CACNA2D3: variants seen among roughly 807,000 people sequenced by gnomAD.
The protein encoded by CACNA2D3 is voltage-dependent calcium channel subunit alpha-2/delta-3.
In CACNA2D3, 60 loss-of-function variants were observed where a neutral mutation model predicts 160.6. The ratio of observed to expected loss-of-function variants is 0.37; its 90% CI spans 0.30 to 0.46. The LOEUF (loss-of-function observed/expected upper bound fraction) is 0.46. CACNA2D3 is among the 20% of genes least tolerant of loss of function. The probability of loss-of-function intolerance (pLI) is 1.00; values close to 1 mark genes in which losing one functional copy is unlikely to be tolerated. For synonymous variants in CACNA2D3, 558 were observed against 492.9 expected, an observed-to-expected ratio of 1.13 and a Z score of -1.75; for missense variants, 1,205 against 1,365.0, an observed-to-expected ratio of 0.88 and a Z score of 1.85.
chr3:54,819,850 C>A (rs1250832058), intron 14 of CACNA2D3, among the ~76,000 whole-genome samples: 5 of 151,578 alleles, frequency 3.3e-5, no homozygotes, highest in East Asian at 1.9e-4. Context: ...CCTCAAAAAA[C>A]ACACACACAC....
intron 35 of CACNA2D3, among the ~76,000 whole-genome samples, chr3:55,020,975 G>A (rs1287358166): frequency 6.6e-6 from 1 of 151,942 alleles, no homozygotes; most frequent in Non-Finnish European, 1.5e-5. Flanking sequence ...ACTGTCATTT[G>A]GCTTTCCTAT....
chr3:54,283,674 C>T lies in CACNA2D3; in HGVS notation c.205-36768C>T, dbSNP rs116822200. 3.5e-3 allele frequency among the ~76,000 whole-genome samples: 533 copies of T among 152,304 alleles called. 4 individuals carry two copies. Among genetic ancestry groups the T allele is most frequent in the Middle Eastern group, 0.014 (4 of 294 alleles). ...TGTAATTGCACAAGTTGGGATACATCACTGGTGAATCACATTCCCTTTGTC... is the reference window on the plus strand; with the variant it reads ...TGTAATTGCACAAGTTGGGATACATTACTGGTGAATCACATTCCCTTTGTC... On this transcript the variant is annotated intron_variant, in intron 2 of 37. Transcript: ENST00000474759.
At chr3:54,995,101 G>A (rs1702826432) in intron 31 of CACNA2D3, among the ~76,000 whole-genome samples, 1 of 152,010 alleles carries the variant, frequency 6.6e-6, no homozygotes, top group African/African-American at 2.4e-5. Context: ...TACCTCCTGA[G>A]TAGCTGGGAT....
At chr3:54,913,585 T>C (rs1214874574) in intron 27 of CACNA2D3, among the ~76,000 whole-genome samples, 1 of 152,222 alleles carries the variant, frequency 6.6e-6, no homozygotes, top group Non-Finnish European at 1.5e-5. Context: ...CCATTTTGCC[T>C]TGGCTCCTTC....
chr3:54,752,317 G>A (rs1210635649), intron 11 of CACNA2D3, among the ~76,000 whole-genome samples: 3 of 152,302 alleles, frequency 2.0e-5, no homozygotes, highest in South Asian at 2.1e-4. Context: ...GCAAGCCCAG[G>A]CCTGTGAGGC....
chr3:54,459,450 T>TA (rs1374937647), intron 4 of CACNA2D3, among the ~76,000 whole-genome samples: 1 of 150,028 alleles, frequency 6.7e-6, no homozygotes, highest in Non-Finnish European at 1.5e-5. Context: ...CCTGACTTTT[T>TA]AATGATCGCC....
chr3:55,066,536 G>C (rs1704639833), intron 35 of CACNA2D3, among the ~76,000 whole-genome samples: 1 of 152,092 alleles, frequency 6.6e-6, no homozygotes, highest in African/African-American at 2.4e-5. Flanking sequence ...GTATGAGGGA[G>C]GCATGGTGAT....
intron 2 of CACNA2D3, among the ~76,000 whole-genome samples, chr3:54,232,721 C>CAGCTGT (rs1342373800): frequency 2.6e-5 from 4 of 152,300 alleles, no homozygotes; most frequent in African/African-American, 7.2e-5. Context: ...TCTTGAACTG[C>CAGCTGT]AGCTGTAGAT....
rs1702358375 is a variant in CACNA2D3 at position 54,773,510 on chromosome 3, A to G, written c.1380+9159A>G. ...GATTATGTTGGGACCTCTATTTCATAGCAGATGGGTTCATTAAATTTAATA... is the reference window on the plus strand; with the variant it reads ...GATTATGTTGGGACCTCTATTTCATGGCAGATGGGTTCATTAAATTTAATA... On this transcript the variant is annotated intron_variant, in intron 13 of 37. Coordinates refer to ENST00000474759, the MANE Select transcript of CACNA2D3 (RefSeq NM_018398.3). Among the ~76,000 whole-genome samples, 3 of 152,242 alleles carry G rather than the reference A, an allele frequency of 2.0e-5. No individual in the cohort carries two copies. The South Asian group carries it at 6.2e-4, about 32-fold the overall frequency.
At chr3:54,220,190 C>G (rs1701541357) in intron 2 of CACNA2D3, among the ~76,000 whole-genome samples, 1 of 151,958 alleles carries the variant, frequency 6.6e-6, no homozygotes, top group African/African-American at 2.4e-5. Context: ...ATGTGTCTTC[C>G]AACTTCATTT....
chr3:54,284,492 C>T (rs1479966409), intron 2 of CACNA2D3, among the ~76,000 whole-genome samples: 2 of 152,030 alleles, frequency 1.3e-5, no homozygotes, highest in South Asian at 2.1e-4. Context: ...TATGGGAACT[C>T]TATTCCCTTT....
chr3:54,846,226 A>G (rs1241731876), intron 16 of CACNA2D3, among the ~76,000 whole-genome samples, 167 bp from the exon 17 acceptor site: 3 of 152,230 alleles, frequency 2.0e-5, no homozygotes, highest in African/African-American at 4.8e-5. Context: ...ATTTCCACCA[A>G]ATGTCAAGGA....
At chr3:54,944,184 A>G (rs956048664) in intron 27 of CACNA2D3, among the ~76,000 whole-genome samples, 3 of 151,944 alleles carry the variant, frequency 2.0e-5, no homozygotes, top group African/African-American at 7.3e-5. Flanking sequence ...TCATTATGCC[A>G]GGATGCTGTG....
At chr3:54,426,759 T>C (rs1045399939) in intron 4 of CACNA2D3, among the ~76,000 whole-genome samples, 2 of 152,224 alleles carry the variant, frequency 1.3e-5, no homozygotes, top group Admixed American at 1.3e-4. Context: ...TTAATAGTTC[T>C]TGTGTAAAAA....
At chr3:54,955,766 T>A (rs1369297908) in intron 27 of CACNA2D3, among the ~76,000 whole-genome samples, 1 of 151,526 alleles carries the variant, frequency 6.6e-6, no homozygotes, top group African/African-American at 2.4e-5. Flanking sequence ...TGAGAAGGAG[T>A]TGGAGTTGAC....
intron 14 of CACNA2D3, 43 bp downstream of exon 14, chr3:54,816,913 C>A: frequency 6.2e-7 from 1 of 1,607,388 alleles, no homozygotes; most frequent in East Asian, 2.2e-5. Context: ...CCAGAACTCA[C>A]GAGTCATGCA....
intron 2 of CACNA2D3, among the ~76,000 whole-genome samples, chr3:54,250,275 G>A (rs1173512761): frequency 1.3e-5 from 2 of 152,140 alleles, no homozygotes; most frequent in Non-Finnish European, 2.9e-5. Context: ...GACAGTTGAT[G>A]AGAGAGTAGA....
At chr3:54,143,802 T>C (rs1203171273) in intron 2 of CACNA2D3, among the ~76,000 whole-genome samples, 1 of 152,200 alleles carries the variant, frequency 6.6e-6, no homozygotes, top group Admixed American at 6.5e-5. Context: ...CCTGGCCGAT[T>C]GTTAATATTT....
chr3:54,807,858 T>C (rs1243858439), intron 13 of CACNA2D3, among the ~76,000 whole-genome samples: 2 of 150,134 alleles, frequency 1.3e-5, no homozygotes, highest in Non-Finnish European at 1.5e-5. Flanking sequence ...ATATACACCA[T>C]GGAATACTAT....
Sources: allele counts gnomAD v4.1 joint callset (sites outside exome capture counted in the v4.1 genomes callset), GRCh38; gene constraint gnomAD v4.1.1; transcripts MANE v1.5; gene names NCBI Gene and HGNC (gene_info 2026-07-23, HGNC 2026-07-21).